Variants in LINGO2 observed in about 807,000 individuals in gnomAD.
LINGO2 encodes leucine-rich repeat and immunoglobulin-like domain-containing nogo receptor-interacting protein 2.
Under a neutral mutation model 30.6 loss-of-function variants are expected in LINGO2, and 14 were observed. That is an observed-to-expected ratio of 0.46 (90% CI 0.30 to 0.72). The LOEUF (loss-of-function observed/expected upper bound fraction) is 0.72, where lower values mean the gene tolerates loss of function less well. Ranked by LOEUF, LINGO2 falls within the 30% of genes least tolerant of loss-of-function variation. The pLI is 0.07. For missense variants in LINGO2, 729 were observed against 751.7 expected (o/e 0.97, Z 0.35); for synonymous variants, 317 against 288.5 (o/e 1.10, Z -1.00).
At chr9:28,236,511 A>G (rs1266076493) in intron 4 of LINGO2, among the ~76,000 whole-genome samples, 1 of 152,214 alleles carries the variant, frequency 6.6e-6, no homozygotes, top group Non-Finnish European at 1.5e-5. Context: ...AAAAACAGTA[A>G]CACAACTTTT....
intron 3 of LINGO2, among the ~76,000 whole-genome samples, chr9:28,322,936 G>A (rs1006156238): frequency 6.6e-6 from 1 of 152,156 alleles, no homozygotes; most frequent in African/African-American, 2.4e-5. Context: ...GTGAGACACA[G>A]TGAGCTTTTA....
At chr9:29,003,045 G>A in the LINGO2 span, among the ~76,000 whole-genome samples, 8 of 151,934 alleles carry the variant, frequency 5.3e-5, no homozygotes, top group African/African-American at 1.2e-4. Flanking sequence ...TGAACACTAC[G>A]TGAAAATACG....
the LINGO2 span, among the ~76,000 whole-genome samples, chr9:29,136,356 T>G: frequency 1.3e-5 from 2 of 152,314 alleles, no homozygotes; most frequent in South Asian, 4.1e-4. Flanking sequence ...TCTATCTTCT[T>G]AACAAATCTA....
intron 3 of LINGO2, among the ~76,000 whole-genome samples, chr9:28,306,102 C>A (rs987095208): frequency 2.0e-5 from 3 of 152,124 alleles, no homozygotes; most frequent in Non-Finnish European, 2.9e-5. Context: ...CATGTCCTGA[C>A]ACGTTCAATG....
intron 1 of LINGO2, among the ~76,000 whole-genome samples, chr9:28,663,462 C>T (rs966385243): frequency 6.6e-6 from 1 of 152,120 alleles, no homozygotes. Flanking sequence ...TGAGCCACCG[C>T]ATCCGGCCTG....
intron 4 of LINGO2, among the ~76,000 whole-genome samples, chr9:28,216,471 C>T (rs376362541): frequency 3.3e-5 from 5 of 152,000 alleles, no homozygotes; most frequent in African/African-American, 1.2e-4. Context: ...ATATATCCAT[C>T]TCTACAGAAA....
the LINGO2 span, among the ~76,000 whole-genome samples, chr9:28,959,613 C>CTCTCACACACACAA: frequency 1.3e-5 from 1 of 79,462 alleles, no homozygotes; most frequent in African/African-American, 7.3e-5. Context: ...CTCTCTCCCT[C>CTCTCACACACACAA]ACACACACAC....
Position 28,195,387 on chromosome 9 carries a change from C to T in LINGO2, c.-87+99821G>A, listed in dbSNP as rs566369801. Among the ~76,000 whole-genome samples, 27 of 150,098 alleles carry T rather than the reference C, an allele frequency of 1.8e-4. No homozygotes were observed. The East Asian group carries it at 4.1e-3, about 23-fold the overall frequency. On this transcript the variant is annotated intron_variant, in intron 4 of 5. Coordinates refer to ENST00000379992, the Ensembl canonical transcript of LINGO2. Reference sequence around the variant, plus strand: ...TGCCTTTAAATAACAAGATGGTGAGCGACAAAAAGCGAAATAGAAAAATGT... The same window carrying T: ...TGCCTTTAAATAACAAGATGGTGAGTGACAAAAAGCGAAATAGAAAAATGT...
At chr9:28,842,135 G>A in the LINGO2 span, among the ~76,000 whole-genome samples, 2 of 151,846 alleles carry the variant, frequency 1.3e-5, no homozygotes, top group South Asian at 4.1e-4. Flanking sequence ...CAGTTTGACA[G>A]TGAAAAAATA....
chr9:28,950,553 G>A, the LINGO2 span, among the ~76,000 whole-genome samples: 1 of 148,468 alleles, frequency 6.7e-6, no homozygotes, highest in East Asian at 2.0e-4. Context: ...AAAGTCTCAG[G>A]ATACAAAATC....
chr9:28,449,032 C>CGTGTGT (rs140779747), intron 2 of LINGO2, among the ~76,000 whole-genome samples: 22,644 of 137,766 alleles, frequency 0.16, 2,100 homozygotes, highest in Admixed American at 0.27. Flanking sequence ...TATTCACATT[C>CGTGTGT]GTGTGTGTGT....
chr9:28,769,494 ATATATATATATATATATATATATAT>A, the LINGO2 span, among the ~76,000 whole-genome samples: 1 of 16,270 alleles, frequency 6.1e-5, no homozygotes, highest in Non-Finnish European at 9.6e-5. Context: ...ATATATATAT[ATATATATATATATATATATATATAT>A]TTTTTTTTTT....
intron 1 of LINGO2, among the ~76,000 whole-genome samples, chr9:28,542,005 C>T (rs925316765): frequency 1.3e-5 from 2 of 152,070 alleles, no homozygotes; most frequent in Non-Finnish European, 2.9e-5. Context: ...TTCCTGGAAG[C>T]ACACACTAAA....
At position 28,081,469 on chromosome 9, in the gene LINGO2, G is replaced by T. The variant is rs149305161; in HGVS notation, c.-86-69064C>A. 2.2e-3 allele frequency among the ~76,000 whole-genome samples: 333 copies of T among 152,250 alleles called. 2 individuals are homozygous for T. Among genetic ancestry groups the T allele is most frequent in the African/African-American group, 7.1e-3 (296 of 41,548 alleles). ...GTAGGCTTTCATGTGGTATATAATG[G>T]TAATGTTCATTTGGGCCCAATTGTA... is the stretch of plus-strand genomic sequence containing the variant. On this transcript the variant is annotated intron_variant, in intron 4 of 5. Transcript: ENST00000379992.
At chr9:28,848,129 T>C in the LINGO2 span, among the ~76,000 whole-genome samples, 1 of 100,636 alleles carries the variant, frequency 9.9e-6, no homozygotes, top group African/African-American at 3.3e-5. Flanking sequence ...ATATACACTA[T>C]ATATAGCATA....
intron 3 of LINGO2, among the ~76,000 whole-genome samples, chr9:28,336,066 G>C (rs1403483832): frequency 1.3e-5 from 2 of 151,940 alleles, no homozygotes; most frequent in Non-Finnish European, 2.9e-5. Context: ...TTATATGAGA[G>C]ATCTAGTATC....
chr9:28,212,389 T>A (rs1054889561), intron 4 of LINGO2, among the ~76,000 whole-genome samples: 5 of 151,442 alleles, frequency 3.3e-5, no homozygotes, highest in Non-Finnish European at 5.9e-5. Context: ...TGAACCCGTT[T>A]GACATATTCT....
intron 1 of LINGO2, among the ~76,000 whole-genome samples, chr9:28,525,793 C>T (rs949111107): frequency 2.6e-4 from 40 of 152,080 alleles, no homozygotes; most frequent in Admixed American, 2.2e-3. Flanking sequence ...CAGTGGCTCA[C>T]GCCTGTAATC....
chr9:28,571,381 G>A (rs745926249), intron 1 of LINGO2, among the ~76,000 whole-genome samples: 1 of 152,018 alleles, frequency 6.6e-6, no homozygotes, highest in Non-Finnish European at 1.5e-5. Flanking sequence ...ATGCAGGGTT[G>A]GCTGCTATTA....
Sources: allele counts gnomAD v4.1 joint callset (sites outside exome capture counted in the v4.1 genomes callset), GRCh38; gene constraint gnomAD v4.1.1; transcripts MANE v1.5; gene names NCBI Gene and HGNC (gene_info 2026-07-23, HGNC 2026-07-21).